DNAH9: variants seen among roughly 807,000 people sequenced by gnomAD.
The protein encoded by DNAH9 is dynein axonemal heavy chain 9.
In DNAH9, 345 loss-of-function variants were observed where a neutral mutation model predicts 471.6. That is an observed-to-expected ratio of 0.73 (90% CI 0.67 to 0.80). The LOEUF is 0.80. DNAH9 is among the 30% of genes least tolerant of loss of function. DNAH9 has a pLI of 0.00. For missense variants in DNAH9, 5,407 were observed against 5,609.2 expected, an observed-to-expected ratio of 0.96 and a Z score of 1.15; for synonymous variants, 2,093 against 2,123.6, an observed-to-expected ratio of 0.99 and a Z score of 0.40.
intron 68 of DNAH9, among the ~76,000 whole-genome samples, chr17:11,965,483 G>A (rs76814953): frequency 0.011 from 1,638 of 152,232 alleles, 32 homozygotes; most frequent in African/African-American, 0.038. Context: ...ACAAACCCTG[G>A]CAAGAGAGAG....
chr17:11,784,519 G>T lies in DNAH9; in HGVS notation c.8041G>T (p.Asp2681Tyr). 2 of 1,614,148 alleles carry T rather than the reference G, an allele frequency of 1.2e-6. No homozygotes were observed. The highest frequency in any genetic ancestry group is 1.7e-6 in the Non-Finnish European group (2 of 1,180,042). Residue 2681 changes from aspartate to tyrosine, a missense_variant, in exon 41 of 69, where the codon GAT becomes TAT. Transcript: ENST00000262442. ...ATTCCACTACATCTTCAACCTCAGA[G>T]ATTTTGCCAACATTTTCCAGGTGAG... ...IKFHYIFNLR[D>Y]FANIFQGILF...
intron 9 of DNAH9, among the ~76,000 whole-genome samples, chr17:11,637,333 T>C (rs2073183836): frequency 6.6e-6 from 1 of 152,178 alleles, no homozygotes; most frequent in Admixed American, 6.5e-5. Flanking sequence ...AGCATGCCTG[T>C]GGGTCCTGTA....
At position 11,690,181 on chromosome 17, in the gene DNAH9, C is replaced by T. The variant is rs1255706253; in HGVS notation, c.4359C>T (p.Pro1453=). 1 of 1,614,196 alleles carries T rather than the reference C, an allele frequency of 6.2e-7. No homozygotes were observed. ...CTGGCATGGAATTCCAGTATGAGCC[C>T]CACCCACGGACCAATGTCCCCCTCC... The part of the protein sequence containing the change: ...TWAGMEFQYE[P]HPRTNVPLLC... The change falls in exon 20 of 69, where the codon CCC becomes CCT. Residue 1453 remains proline (P), a synonymous_variant. Transcript: ENST00000262442.
intron 39 of DNAH9, 121 bp downstream of exon 39, chr17:11,781,295 C>A (rs2150894672): frequency 1.8e-6 from 2 of 1,091,382 alleles, no homozygotes; most frequent in South Asian, 2.0e-5. Flanking sequence ...AGATGGGAAT[C>A]TTTGTGGTAA....
intron 66 of DNAH9, among the ~76,000 whole-genome samples, chr17:11,941,864 T>C (rs1416980869): frequency 6.6e-6 from 1 of 151,758 alleles, no homozygotes; most frequent in South Asian, 2.1e-4. Flanking sequence ...TATAACTGTA[T>C]ATTGATATAC....
Position 11,875,012 on chromosome 17 carries a change from G to A in DNAH9, c.10306G>A (p.Ala3436Thr). ...GATGCTGATGGATGATGCTGACGTGGCTGCCTGGCAGAACGAGGGCCTCCC... is the reference window on the plus strand; with the variant it reads ...GATGCTGATGGATGATGCTGACGTGACTGCCTGGCAGAACGAGGGCCTCCC... ...LRMLMDDADVAAWQNEGLPAD... is the reference protein window; with the variant it reads ...LRMLMDDADVTAWQNEGLPAD... The change falls in exon 53 of 69, where the codon GCT (alanine) becomes ACT (threonine). Residue 3436 changes from alanine (A) to threonine (T), a missense_variant. Ala to Thr is a moderately conservative substitution (Grantham distance 58). Around this residue, in one of 3 missense-constraint regions of DNAH9, gnomAD observed 4,636 missense variants for 4,900.3 expected, o/e 0.95. Transcript: ENST00000262442. 3 of 1,614,126 alleles carry A rather than the reference G, an allele frequency of 1.9e-6. No homozygotes were observed. The highest frequency in any genetic ancestry group is 1.3e-5 in the African/African-American group (1 of 75,040).
intron 26 of DNAH9, among the ~76,000 whole-genome samples, chr17:11,709,825 G>A (rs1047425006): frequency 6.6e-6 from 1 of 152,098 alleles, no homozygotes; most frequent in African/African-American, 2.4e-5. Flanking sequence ...GCCCTGTGCT[G>A]TGTTAAGTAC....
intron 45 of DNAH9, among the ~76,000 whole-genome samples, chr17:11,816,058 C>T (rs1048832669): frequency 2.6e-5 from 4 of 152,116 alleles, no homozygotes; most frequent in African/African-American, 9.7e-5. Context: ...GAAGACTTAC[C>T]TTAGGCGTTC....
rs1407389145 is a variant in DNAH9, at chr17:11,900,295, C to A, written c.11407-2424C>A. Among the ~76,000 whole-genome samples, 3 of 151,876 alleles carry A rather than the reference C, an allele frequency of 2.0e-5. No individual in the cohort carries two copies. In the East Asian group the frequency reaches 5.8e-4, roughly 29 times the overall value. On this transcript the variant is annotated intron_variant, in intron 59 of 68. Transcript: ENST00000262442. ...GGGTGAAACTGGGAAGCCACAGAGC[C>A]CATGTGAAGGAATATGTAAAGCCAG...
intron 31 of DNAH9, among the ~76,000 whole-genome samples, chr17:11,746,755 A>G (rs1033925341): frequency 1.3e-5 from 2 of 152,200 alleles, no homozygotes; most frequent in African/African-American, 4.8e-5. Flanking sequence ...AGAATAAGAA[A>G]AGCAGTCCTT....
At chr17:11,659,282 T>C (rs1236335669) in intron 14 of DNAH9, among the ~76,000 whole-genome samples, 4 of 152,234 alleles carry the variant, frequency 2.6e-5, no homozygotes, top group Non-Finnish European at 5.9e-5. Context: ...TTGTTCATAA[T>C]TATTTCTTAT....
chr17:11,604,147 C>T (rs755093962), intron 1 of DNAH9, among the ~76,000 whole-genome samples: 1 of 151,906 alleles, frequency 6.6e-6, no homozygotes, highest in East Asian at 1.9e-4. Context: ...CTCAGCCTCC[C>T]GAGTAGCTAA....
At chr17:11,838,764 C>T (rs960906302) in intron 49 of DNAH9, among the ~76,000 whole-genome samples, 8 of 152,040 alleles carry the variant, frequency 5.3e-5, no homozygotes, top group African/African-American at 1.9e-4. Flanking sequence ...TGCAACAGCC[C>T]GTTTTTATGA....
chr17:11,806,878 A>C (rs1436509352), intron 43 of DNAH9, among the ~76,000 whole-genome samples: 1 of 152,158 alleles, frequency 6.6e-6, no homozygotes, highest in Admixed American at 6.5e-5. Context: ...ACCTTGCATA[A>C]GGTATATGCA....
At chr17:11,793,688 C>T in intron 42 of DNAH9, 24 bp downstream of exon 42, 1 of 1,489,418 alleles carries the variant, frequency 6.7e-7, no homozygotes, top group Admixed American at 2.1e-5. Context: ...TATGGATTTT[C>T]TTTGTATTTG....
chr17:11,609,396 T>G (rs2150637731), intron 2 of DNAH9, among the ~76,000 whole-genome samples: 1 of 152,388 alleles, frequency 6.6e-6, no homozygotes, highest in South Asian at 2.1e-4. Context: ...CTTTATATTT[T>G]AACTTTGTAA....
chr17:11,857,605 A>C (rs1971671898), intron 50 of DNAH9, among the ~76,000 whole-genome samples: 1 of 152,236 alleles, frequency 6.6e-6, no homozygotes, highest in African/African-American at 2.4e-5. Flanking sequence ...AGCATATTTC[A>C]AGACAGATTT....
At chr17:11,721,671 G>A (rs1270783067) in intron 27 of DNAH9, among the ~76,000 whole-genome samples, 1 of 152,026 alleles carries the variant, frequency 6.6e-6, no homozygotes, top group Non-Finnish European at 1.5e-5. Context: ...TGGATTTTAG[G>A]TAGATAAATG....
Position 11,926,035 on chromosome 17 carries a change from G to GAAAAAAAAAAAAAAAAAAAA in DNAH9, c.11877+2102_11877+2121dup, listed in dbSNP as rs71142253. On this transcript the variant is annotated intron_variant, in intron 62 of 68. Coordinates refer to ENST00000262442, the MANE Select transcript of DNAH9 (RefSeq NM_001372.4). Reference sequence around the variant, plus strand: ...AGCCTGTAAACCTGAGAGATTCTCTGAAAAAAAAAAAAAAAAAAAAAAAAA... The same window carrying GAAAAAAAAAAAAAAAAAAAA: ...AGCCTGTAAACCTGAGAGATTCTCTGAAAAAAAAAAAAAAAAAAAAAAAAAAAAAAAAAAAAAAAAAAAAA... Among the ~76,000 whole-genome samples, 20 of 59,912 alleles carry GAAAAAAAAAAAAAAAAAAAA rather than the reference G, an allele frequency of 3.3e-4. 1 individual carries two copies. The highest frequency in any genetic ancestry group is 9.5e-4 in the African/African-American group (12 of 12,682). 39.3% of individuals were successfully genotyped at this position (59,912 alleles called of 152,430 possible). A position where few individuals can be genotyped will look rare whatever the true frequency, so the allele number is the denominator to read the frequency against.
Sources: allele counts gnomAD v4.1 joint callset (sites outside exome capture counted in the v4.1 genomes callset), GRCh38; gene constraint gnomAD v4.1.1; regional missense constraint gnomAD v4.1.1; transcripts MANE v1.5; gene names NCBI Gene and HGNC (gene_info 2026-07-23, HGNC 2026-07-21).